The following NRG3 variants were observed in gnomAD, a reference collection of about 807,000 sequenced individuals.
The protein encoded by NRG3 is neuregulin 3.
NRG3 carries 31 observed loss-of-function variants against 66.9 expected under a neutral mutation model. The observed-to-expected ratio is 0.46, with a 90% CI of 0.35 to 0.63. The LOEUF is 0.63. NRG3 is among the 20% of genes least tolerant of loss of function. NRG3 has a pLI of 0.00. For missense variants in NRG3, 910 were observed against 878.9 expected, an observed-to-expected ratio of 1.04 and a Z score of -0.45; for synonymous variants, 393 against 359.4, an observed-to-expected ratio of 1.09 and a Z score of -1.06.
chr10:81,984,359 T>A (rs1487041554), intron 1 of NRG3, among the ~76,000 whole-genome samples: 1 of 152,194 alleles, frequency 6.6e-6, no homozygotes, highest in Non-Finnish European at 1.5e-5. Flanking sequence ...CTATTACCAC[T>A]GTTATTAATT....
intron 1 of NRG3, among the ~76,000 whole-genome samples, chr10:82,158,205 G>C (rs2071321443): frequency 6.6e-6 from 1 of 151,732 alleles, no homozygotes; most frequent in South Asian, 2.1e-4. Flanking sequence ...TGAATAAAAT[G>C]TTAGTCAACA....
chr10:82,803,323 A>G (rs2061130594), intron 3 of NRG3, among the ~76,000 whole-genome samples: 1 of 152,206 alleles, frequency 6.6e-6, no homozygotes, highest in African/African-American at 2.4e-5. Flanking sequence ...ATTCTTTTAA[A>G]TTGCCTGTAA....
intron 3 of NRG3, among the ~76,000 whole-genome samples, chr10:82,826,430 G>C (rs558018366): frequency 6.6e-6 from 1 of 152,314 alleles, no homozygotes; most frequent in African/African-American, 2.4e-5. Flanking sequence ...TTGTGAGTTG[G>C]GGCAGAGGAA....
At chr10:82,906,018 C>G (rs140824473) in intron 4 of NRG3, among the ~76,000 whole-genome samples, 2 of 152,256 alleles carry the variant, frequency 1.3e-5, no homozygotes, top group Non-Finnish European at 2.9e-5. Flanking sequence ...AAAATCTTAT[C>G]AAAAATATCA....
At chr10:82,786,804 A>G (rs574035405) in intron 3 of NRG3, among the ~76,000 whole-genome samples, 1 of 152,154 alleles carries the variant, frequency 6.6e-6, no homozygotes, top group East Asian at 1.9e-4. Flanking sequence ...CTCTGCTTTC[A>G]CGAGTAGGTT....
intron 3 of NRG3, among the ~76,000 whole-genome samples, chr10:82,819,360 A>G (rs2061849574): frequency 6.6e-6 from 1 of 152,222 alleles, no homozygotes; most frequent in Admixed American, 6.5e-5. Context: ...GATGTGGTAG[A>G]AAGCTTGGTG....
chr10:81,925,747 TAAAA>T (rs34656715), intron 1 of NRG3, among the ~76,000 whole-genome samples: 23 of 150,338 alleles, frequency 1.5e-4, no homozygotes, highest in Admixed American at 7.9e-4. Context: ...ACTTTTTTTT[TAAAA>T]AAAAAAGAGA....
Position 82,856,417 on chromosome 10 carries a change from C to T in NRG3, c.1028-8994C>T, listed in dbSNP as rs35458173. Among the ~76,000 whole-genome samples, 886 of 152,110 alleles carry T rather than the reference C, an allele frequency of 5.8e-3. 2 individuals carry two copies. Among genetic ancestry groups the T allele is most frequent in the Non-Finnish European group, 9.5e-3 (646 of 68,002 alleles). On this transcript the variant is annotated intron_variant, in intron 3 of 8. Transcript: ENST00000372141. ...TTAATTGTTAAATGGGGCTCAGTTG[C>T]ACTACTTTACAGCCTAATTTTAAAA...
intron 1 of NRG3, among the ~76,000 whole-genome samples, chr10:82,081,323 A>G (rs972258075): frequency 2.6e-5 from 4 of 152,172 alleles, no homozygotes; most frequent in African/African-American, 9.6e-5. Flanking sequence ...AGCTTTCTTC[A>G]TTTAGAACTA....
chr10:82,860,865 T>A (rs1489886790), intron 3 of NRG3, among the ~76,000 whole-genome samples: 2 of 152,340 alleles, frequency 1.3e-5, no homozygotes, highest in East Asian at 3.9e-4. Context: ...GAACTATTAA[T>A]TAATTAATCT....
intron 3 of NRG3, among the ~76,000 whole-genome samples, chr10:82,764,471 T>C (rs1366577182): frequency 4.0e-5 from 6 of 151,170 alleles, no homozygotes; most frequent in African/African-American, 1.5e-4. Flanking sequence ...CAAGCGATTC[T>C]CCTGCCTCAG....
At chr10:82,557,459 T>C (rs1436001779) in intron 2 of NRG3, among the ~76,000 whole-genome samples, 1 of 152,138 alleles carries the variant, frequency 6.6e-6, no homozygotes, top group African/African-American at 2.4e-5. Flanking sequence ...TCTTTTCATA[T>C]CCTCTGCTCA....
chr10:81,971,264 C>A (rs2133370857), intron 1 of NRG3, among the ~76,000 whole-genome samples: 1 of 152,308 alleles, frequency 6.6e-6, no homozygotes, highest in Admixed American at 6.5e-5. Flanking sequence ...TTTGATACTT[C>A]TCTCTGTTGG....
At chr10:82,209,736 A>G (rs568280554) in intron 1 of NRG3, among the ~76,000 whole-genome samples, 1 of 152,170 alleles carries the variant, frequency 6.6e-6, no homozygotes, top group African/African-American at 2.4e-5. Flanking sequence ...TTATTTGGAA[A>G]ATTTTCTCAG....
chr10:82,922,128 G>T (rs962439600), intron 4 of NRG3, among the ~76,000 whole-genome samples: 2 of 151,902 alleles, frequency 1.3e-5, no homozygotes, highest in South Asian at 4.2e-4. Flanking sequence ...TATAGAGACT[G>T]GGGGGAAGAG....
chr10:82,939,155 AC>A (rs1848348014), intron 4 of NRG3, among the ~76,000 whole-genome samples: 1 of 152,186 alleles, frequency 6.6e-6, no homozygotes, highest in South Asian at 2.1e-4. Context: ...ATGTCTTATA[AC>A]ATTCACTTAT....
chr10:82,700,693 G>C (rs1289096892), intron 2 of NRG3, among the ~76,000 whole-genome samples: 1 of 152,036 alleles, frequency 6.6e-6, no homozygotes, highest in Non-Finnish European at 1.5e-5. Context: ...CCATATGCAG[G>C]CAGAGCATTT....
chr10:82,448,006 G>T (rs1481153261), intron 2 of NRG3, among the ~76,000 whole-genome samples: 1 of 152,166 alleles, frequency 6.6e-6, no homozygotes, highest in East Asian at 1.9e-4. Context: ...TATTGGAGGG[G>T]TAAATGAGGG....
At chr10:82,082,924 ATTACT>A (rs575279183) in intron 1 of NRG3, among the ~76,000 whole-genome samples, 110 of 151,980 alleles carry the variant, frequency 7.2e-4, no homozygotes, top group African/African-American at 2.5e-3. Flanking sequence ...CACTTTATTG[ATTACT>A]TTATTGATTA....
Sources: allele counts gnomAD v4.1 joint callset (sites outside exome capture counted in the v4.1 genomes callset), GRCh38; gene constraint gnomAD v4.1.1; transcripts MANE v1.5; gene names NCBI Gene and HGNC (gene_info 2026-07-23, HGNC 2026-07-21).